The following SPDYE18 variants were observed in gnomAD, a reference collection of about 807,000 sequenced individuals.
The protein encoded by SPDYE18 is speedy protein E18.
In SPDYE18, 6 loss-of-function variants were observed where a neutral mutation model predicts 44.9. That is an observed-to-expected ratio of 0.13 (90% confidence interval 0.07 to 0.26). The LOEUF is 0.26. Among genes scored for constraint, SPDYE18 ranks in the 10% least tolerant of loss-of-function variants. The pLI is 1.00. For synonymous variants in SPDYE18, 35 were observed against 177.1 expected (o/e 0.20, Z 6.37); for missense variants, 121 against 463.2 (o/e 0.26, Z 6.78).
At chr7:77,060,033 T>TC (rs1781089007) in intron 2 of SPDYE18, among the ~76,000 whole-genome samples, 1 of 145,764 alleles carries the variant, frequency 6.9e-6, no homozygotes, top group African/African-American at 2.5e-5. Context: ...CTTTTCTTTT[T>TC]TTTTTTTTTT....
chr7:77,053,245 G>T (rs1789847365), intron 6 of SPDYE18, 42 bp from the exon 7 acceptor site: 1 of 1,611,216 alleles, frequency 6.2e-7, no homozygotes, highest in Non-Finnish European at 8.5e-7. Context: ...GCACCACCAG[G>T]AGAGGCCTCC....
chr7:77,051,693 C>T lies in SPDYE18; in HGVS notation c.*232G>A, dbSNP rs1425891870. Among the ~76,000 whole-genome samples, 12 of 134,772 alleles carry T rather than the reference C, an allele frequency of 8.9e-5. No individual in the cohort carries two copies. Among genetic ancestry groups the T allele is most frequent in the African/African-American group, 2.9e-4 (11 of 38,080 alleles). The allele number at this position is 134,772 out of a possible 152,430, so 88.4% of individuals were successfully genotyped here. ...TTCTCCAAGGACTCCTAGAAGGACC[C>T]CACCCCCCTCCCCCCACCCCTGCTC... On this transcript the variant is annotated 3_prime_UTR_variant, in exon 9 of 9. Transcript: ENST00000510091.
intron 4 of SPDYE18, among the ~76,000 whole-genome samples, chr7:77,057,045 C>T (rs2117321052): frequency 8.2e-6 from 1 of 122,322 alleles, no homozygotes; most frequent in Non-Finnish European, 2.1e-5. Context: ...GCTGAAACCA[C>T]TTTCTTTGTT....
chr7:77,062,342 C>A (rs1261065033), intron 1 of SPDYE18, among the ~76,000 whole-genome samples, 154 bp downstream of exon 1: 4 of 149,058 alleles, frequency 2.7e-5, no homozygotes, highest in Non-Finnish European at 4.4e-5. Context: ...CCTCCTACAA[C>A]AAAATCGTTT....
intron 3 of SPDYE18, among the ~76,000 whole-genome samples, chr7:77,058,921 G>A (rs1374056864): frequency 4.6e-5 from 7 of 151,970 alleles, no homozygotes; most frequent in Admixed American, 1.3e-4. Flanking sequence ...GCCTCCCAGC[G>A]TGCTAGGATC....
In SPDYE18 at chr7:77,060,304, T is replaced by C. The variant is rs1790000700; in HGVS notation, c.160+49A>G. 8 of 1,533,974 alleles carry C rather than the reference T, an allele frequency of 5.2e-6. No individual in the cohort carries two copies. The South Asian group carries it at 9.5e-5, about 18-fold the overall frequency. ...GAGCCACCGCACCCGGCCCCCTTCCTTCGTCTTAGTCAACCCTATCCCACC... is the reference window on the plus strand; with the variant it reads ...GAGCCACCGCACCCGGCCCCCTTCCCTCGTCTTAGTCAACCCTATCCCACC... On this transcript the variant is annotated intron_variant, in intron 2 of 8. Coordinates refer to ENST00000510091, the MANE Select transcript of SPDYE18 (RefSeq NM_001394953.1).
rs1184588165 is a variant in SPDYE18 at position 77,051,843 on chromosome 7, C to G, written c.*82G>C. Reference sequence around the variant, plus strand: ...CTGCCATTAGCATTGGAATAAAGTTCCTGCTGAAAATCCACATCTCCCCTG... The same window carrying G: ...CTGCCATTAGCATTGGAATAAAGTTGCTGCTGAAAATCCACATCTCCCCTG... On this transcript the variant is annotated 3_prime_UTR_variant, in exon 9 of 9. Coordinates refer to ENST00000510091, the MANE Select transcript of SPDYE18 (RefSeq NM_001394953.1). 6.6e-6 allele frequency among the ~76,000 whole-genome samples: 1 copy of G among 151,846 alleles called. No homozygotes were observed. Among genetic ancestry groups the G allele is most frequent in the Admixed American group, 6.6e-5 (1 of 15,206 alleles).
chr7:77,053,416 C>G (rs1321284004), intron 6 of SPDYE18, among the ~76,000 whole-genome samples: 1 of 152,208 alleles, frequency 6.6e-6, no homozygotes, highest in East Asian at 1.9e-4. Context: ...AAAAGCCCAA[C>G]TGGTGGCCGA....
At position 77,053,275 on chromosome 7, in the gene SPDYE18, G is replaced by T. The variant is rs1789848235; in HGVS notation, c.756-72C>A. 2.9e-5 allele frequency: 46 copies of T among 1,593,522 alleles called. No individual in the cohort carries two copies. In the South Asian group the frequency reaches 5.3e-4, roughly 18 times the overall value. On this transcript the variant is annotated intron_variant, in intron 6 of 8. Transcript: ENST00000510091. The stretch of plus-strand genomic sequence containing the variant: ...GCCTCCGGCTGAGGTCAGCTTCCCA[G>T]AGAGGAAGGTAAGGGACTGTCCCTA...
Position 77,060,362 on chromosome 7 carries a change from C to T in SPDYE18, c.151G>A (p.Gly51Arg). ...CCACCAGTCCCCTCACCTGATGGTC[C>T]CAACACTTCATCATCCACCACCTCC... ...LQEVVDDEVL[G>R]PSAPGVDPSP... The change falls in exon 2 of 9, where the codon GGA becomes AGA. Residue 51 changes from glycine (G) to arginine (R), a missense_variant. Gly to Arg is a moderately radical substitution (Grantham distance 125). Coordinates refer to ENST00000510091, the MANE Select transcript of SPDYE18 (RefSeq NM_001394953.1). 6.5e-7 allele frequency: 1 copy of T among 1,535,442 alleles called. No individual in the cohort carries two copies. The highest frequency in any genetic ancestry group is 8.7e-7 in the Non-Finnish European group (1 of 1,146,870).
At position 77,059,161 on chromosome 7, in the gene SPDYE18, C is replaced by T; in HGVS notation, c.379+19G>A. On this transcript the variant is annotated intron_variant, in intron 3 of 8. Coordinates refer to ENST00000510091, the MANE Select transcript of SPDYE18 (RefSeq NM_001394953.1). The stretch of plus-strand genomic sequence containing the variant: ...TAGAAAGAACAGGATTGGAGGTGCT[C>T]TCTGGGGTGTCCTCCTACCAAGCTG... The T allele has an allele frequency of 1.3e-6, 2 of 1,553,500 alleles. No individual in the cohort carries two copies. Among genetic ancestry groups the T allele is most frequent in the South Asian group, 1.2e-5 (1 of 85,150 alleles).
chr7:77,062,152 T>C (rs190861819), intron 1 of SPDYE18, among the ~76,000 whole-genome samples: 54 of 142,568 alleles, frequency 3.8e-4, no homozygotes, highest in African/African-American at 1.2e-3. Flanking sequence ...TGCGAGTGAG[T>C]TCCCACACGT....
rs1274318808 is a variant in SPDYE18 at position 77,053,244 on chromosome 7, G to A, written c.756-41C>T. 1.2e-4 allele frequency: 189 copies of A among 1,611,212 alleles called. 1 individual carries two copies. The Middle Eastern group carries it at 1.5e-3, about 13-fold the overall frequency. ...AGGTTGGTGCTCAGGGGCACCACCA[G>A]GAGAGGCCTCCGGCTGAGGTCAGCT... On this transcript the variant is annotated intron_variant, in intron 6 of 8. Transcript: ENST00000510091.
Position 77,057,814 on chromosome 7 carries a change from TC to T in SPDYE18, c.432del (p.Arg145GlyfsTer37), listed in dbSNP as rs1789951484. Reference sequence around the variant, plus strand: ...TCCTCAGATTCGTCCCACCACTCCCTCTTCCTTTTCCAGCAAAAGGACCTAT... The same window carrying T: ...TCCTCAGATTCGTCCCACCACTCCCTTTCCTTTTCCAGCAAAAGGACCTAT... ...PPHRSFCWKR[K>X]REWWDESEES... On this transcript the variant is annotated frameshift_variant, in exon 4 of 9. Coordinates refer to ENST00000510091, the MANE Select transcript of SPDYE18 (RefSeq NM_001394953.1). LOFTEE classifies it high-confidence loss of function. The T allele has an allele frequency of 6.4e-7, 1 of 1,552,990 alleles. No homozygotes were observed. The highest frequency in any genetic ancestry group is 8.6e-7 in the Non-Finnish European group (1 of 1,159,364).
chr7:77,053,810 G>A (rs904070487), intron 6 of SPDYE18, among the ~76,000 whole-genome samples: 6 of 150,528 alleles, frequency 4.0e-5, no homozygotes, highest in African/African-American at 1.5e-4. Context: ...CTCCATTCCA[G>A]CCTGAGAGGC....
intron 6 of SPDYE18, among the ~76,000 whole-genome samples, chr7:77,054,379 G>A: frequency 6.8e-6 from 1 of 146,498 alleles, no homozygotes. Flanking sequence ...GTGGACCCTG[G>A]CCTCGATAGA....
Position 77,060,822 on chromosome 7 carries a change from GA to G in SPDYE18, c.-311del, listed in dbSNP as rs949935244. Among the ~76,000 whole-genome samples, 2 of 151,098 alleles carry G rather than the reference GA, an allele frequency of 1.3e-5. No homozygotes were observed. The highest frequency in any genetic ancestry group is 2.4e-5 in the African/African-American group (1 of 41,010). ...ACCATTGTCCAAAAGCATCTTCAGG[GA>G]CTCCACATCCCTGTGTTCCCTGTCC... On this transcript the variant is annotated 5_prime_UTR_variant, in exon 2 of 9. An upstream open reading frame in the 5' UTR gains an earlier in-frame stop. Transcript: ENST00000510091.
intron 3 of SPDYE18, among the ~76,000 whole-genome samples, chr7:77,058,538 ACT>A (rs1562794344): frequency 1.8e-5 from 2 of 114,244 alleles, no homozygotes; most frequent in Admixed American, 2.4e-4. Flanking sequence ...ACAGCGTCTC[ACT>A]CTCTCACCCA....
In SPDYE18 at chr7:77,051,265, T is replaced by A. The variant is rs530330608; in HGVS notation, c.*660A>T. Reference sequence around the variant, plus strand: ...AATATTTAGGATAAAAAGAATTGTCTCTTAAAAATGAAAAGAAAATTATCT... The same window carrying A: ...AATATTTAGGATAAAAAGAATTGTCACTTAAAAATGAAAAGAAAATTATCT... On this transcript the variant is annotated 3_prime_UTR_variant, in exon 9 of 9. Coordinates refer to ENST00000510091, the MANE Select transcript of SPDYE18 (RefSeq NM_001394953.1). 1.4e-3 allele frequency among the ~76,000 whole-genome samples: 213 copies of A among 149,502 alleles called. No individual in the cohort carries two copies. Among genetic ancestry groups the A allele is most frequent in the African/African-American group, 4.2e-3 (165 of 39,332 alleles).
Sources: allele counts gnomAD v4.1 joint callset (sites outside exome capture counted in the v4.1 genomes callset), GRCh38; gene constraint gnomAD v4.1.1; transcripts MANE v1.5; gene names NCBI Gene and HGNC (gene_info 2026-07-23, HGNC 2026-07-21).